The following TNFRSF1A variants were observed in gnomAD, a reference collection of about 807,000 sequenced individuals.
The protein encoded by TNFRSF1A is TNF receptor superfamily member 1A, also known as tumor necrosis factor receptor superfamily member 1A.
Under a neutral mutation model 41.6 loss-of-function variants are expected in TNFRSF1A, and 9 were observed. That is an observed-to-expected ratio of 0.22 (90% CI 0.13 to 0.38). The LOEUF (loss-of-function observed/expected upper bound fraction) is 0.38, where lower values mean the gene tolerates loss of function less well. TNFRSF1A is among the 10% of genes least tolerant of loss of function. The pLI is 1.00. For missense variants in TNFRSF1A, 463 were observed against 591.5 expected (o/e 0.78, Z 2.25); for synonymous variants, 254 against 248.6 (o/e 1.02, Z -0.21).
At chr12:6,339,816 TTCTC>T (rs71450139) in intron 1 of TNFRSF1A, among the ~76,000 whole-genome samples, 2,414 of 139,210 alleles carry the variant, frequency 0.017, 30 homozygotes, top group African/African-American at 0.035. Context: ...CCTACCCCAC[TTCTC>T]TCTCTCTCTC....
Position 6,338,048 on chromosome 12 carries a change from T to G in TNFRSF1A, c.39+3728A>C, listed in dbSNP as rs999425210. ...CACACACCCTTACTTAAGAGTCTGG[T>G]GTGCTCCTCTCCTTTTGAGAACCAC... On this transcript the variant is annotated intron_variant, in intron 1 of 9. Transcript: ENST00000162749. 2.0e-5 allele frequency among the ~76,000 whole-genome samples: 3 copies of G among 152,172 alleles called. No individual in the cohort carries two copies. The East Asian group carries it at 5.8e-4, about 29-fold the overall frequency.
At position 6,329,284 on chromosome 12, in the gene TNFRSF1A, C is replaced by G; in HGVS notation, c.*28G>C. ...TTGGAAGGCGATCTCGCAGGACGGT[C>G]CTTAGAGCTGCCCGCAGGGGCGCAG... On this transcript the variant is annotated 3_prime_UTR_variant, in exon 10 of 10. Transcript: ENST00000162749. The G allele has an allele frequency of 6.9e-7, 1 of 1,453,636 alleles. No homozygotes were observed. Among genetic ancestry groups the G allele is most frequent in the Non-Finnish European group, 9.0e-7 (1 of 1,111,380 alleles). 90.0% of individuals were successfully genotyped at this position (1,453,636 alleles called of 1,614,324 possible).
rs1241857285 is a variant in TNFRSF1A, at chr12:6,341,670, G to C, written c.39+106C>G. 1 of 1,360,364 alleles carries C rather than the reference G, an allele frequency of 7.4e-7. No homozygotes were observed. Among genetic ancestry groups the C allele is most frequent in the Non-Finnish European group, 1.0e-6 (1 of 966,404 alleles). The allele number at this position is 1,360,364 out of a possible 1,614,324, so 84.3% of individuals were successfully genotyped here. On this transcript the variant is annotated intron_variant, in intron 1 of 9. Coordinates refer to ENST00000162749, the MANE Select transcript of TNFRSF1A (RefSeq NM_001065.4). This position sits in a 1 kb window ranked among gnomAD's most constrained non-coding sequence, Gnocchi z 4.6. ...CCTGCAGGCCTGAGGCTGGCGCCAGGACCAGGCCCGGGCAGGAGAGGCTCG... is the reference window on the plus strand; with the variant it reads ...CCTGCAGGCCTGAGGCTGGCGCCAGCACCAGGCCCGGGCAGGAGAGGCTCG...
At position 6,333,995 on chromosome 12, in the gene TNFRSF1A, G is replaced by A; in HGVS notation, c.193+96C>T. ...AGGGAGGGAGAAAATCCCAGCCCAG[G>A]AGAGACAGCAAAGTTAGGGAAGAAC... is the stretch of plus-strand genomic sequence containing the variant. On this transcript the variant is annotated intron_variant, in intron 2 of 9. Coordinates refer to ENST00000162749, the MANE Select transcript of TNFRSF1A (RefSeq NM_001065.4). The surrounding 1 kb of genome is among the most constrained non-coding windows in gnomAD (Gnocchi z 6.3). 6.2e-7 allele frequency: 1 copy of A among 1,611,314 alleles called. No individual in the cohort carries two copies. Among genetic ancestry groups the A allele is most frequent in the Non-Finnish European group, 8.5e-7 (1 of 1,177,626 alleles).
chr12:6,329,691 G>A, intron 9 of TNFRSF1A, 69 bp from the exon 10 acceptor site: 7 of 1,529,736 alleles, frequency 4.6e-6, no homozygotes, highest in Non-Finnish European at 6.1e-6. Flanking sequence ...CGCGCCCTCC[G>A]CCTCTCGTGG....
intron 5 of TNFRSF1A, 88 bp downstream of exon 5, chr12:6,332,981 C>T (rs1226382944): frequency 8.2e-7 from 1 of 1,217,526 alleles, no homozygotes; most frequent in Non-Finnish European, 1.2e-6. Context: ...GGCATCCTGG[C>T]ATCTGTTGCC....
In TNFRSF1A at chr12:6,341,962, C is replaced by A; in HGVS notation, c.-148G>T. The A allele has an allele frequency of 3.8e-6, 3 of 782,810 alleles. No individual in the cohort carries two copies. The highest frequency in any genetic ancestry group is 6.6e-6 in the Non-Finnish European group (3 of 453,120). The allele number at this position is 782,810 out of a possible 1,614,324, so 48.5% of individuals were successfully genotyped here. Reference sequence around the variant, plus strand: ...AGGGTTGAGACTCGGGCATAGAGATCACGGCCTGGTCCCAGTGATCTTGAA... The same window carrying A: ...AGGGTTGAGACTCGGGCATAGAGATAACGGCCTGGTCCCAGTGATCTTGAA... On this transcript the variant is annotated 5_prime_UTR_variant, in exon 1 of 10. Coordinates refer to ENST00000162749, the MANE Select transcript of TNFRSF1A (RefSeq NM_001065.4). The surrounding 1 kb of genome is among the most constrained non-coding windows in gnomAD (Gnocchi z 4.6).
At position 6,333,966 on chromosome 12, in the gene TNFRSF1A, G is replaced by A. The variant is rs1948086341; in HGVS notation, c.194-101C>T. The A allele has an allele frequency of 3.1e-6, 5 of 1,609,720 alleles. No individual in the cohort carries two copies. Among genetic ancestry groups the A allele is most frequent in the Non-Finnish European group, 4.2e-6 (5 of 1,177,232 alleles). ...GGCCGATTCCCTGAAGTCTCTAGGA[G>A]AGGAGGGAGGGAGAAAATCCCAGCC... On this transcript the variant is annotated intron_variant, in intron 2 of 9. Coordinates refer to ENST00000162749, the MANE Select transcript of TNFRSF1A (RefSeq NM_001065.4). The surrounding 1 kb of genome is among the most constrained non-coding windows in gnomAD (Gnocchi z 6.3).
chr12:6,333,834 C>T lies in TNFRSF1A; in HGVS notation c.225G>A (p.Pro75=), dbSNP rs771721939. 6.9e-6 allele frequency: 11 copies of T among 1,599,012 alleles called. No individual in the cohort carries two copies. The highest frequency in any genetic ancestry group is 4.5e-5 in the East Asian group (2 of 44,266). ...GTYLYNDCPG[P]GQDTDCRECE... is the part of the protein sequence containing the mutation. Reference sequence around the variant, plus strand: ...ACTCCCTGCAGTCCGTATCCTGCCCCGGGCCTGGACAGTCATTGTACAAGT... The same window carrying T: ...ACTCCCTGCAGTCCGTATCCTGCCCTGGGCCTGGACAGTCATTGTACAAGT... Residue 75 remains proline, a synonymous_variant, in exon 3 of 10, where the codon CCG becomes CCA. Coordinates refer to ENST00000162749, the MANE Select transcript of TNFRSF1A (RefSeq NM_001065.4). The surrounding 1 kb of genome is among the most constrained non-coding windows in gnomAD (Gnocchi z 6.3).
In TNFRSF1A at chr12:6,329,361, G is replaced by A; in HGVS notation, c.1319C>T (p.Ala440Val). 3 of 1,493,160 alleles carry A rather than the reference G, an allele frequency of 2.0e-6. No individual in the cohort carries two copies. The highest frequency in any genetic ancestry group is 1.4e-5 in the African/African-American group (1 of 69,104). 92.5% of individuals were successfully genotyped at this position (1,493,160 alleles called of 1,614,324 possible). The change falls in exon 10 of 10, where the codon GCG becomes GTG. Residue 440 changes from alanine (A) to valine (V), a missense_variant. Around this residue, in one of 4 missense-constraint regions of TNFRSF1A, gnomAD observed 277 missense variants for 288.8 expected, o/e 0.96. Transcript: ENST00000162749. ...CGGGAGGGCGGCGGGGCCGCAAAGC[G>A]CCTCCTCGATGTCCTCCAGGCAGCC... ...LLGCLEDIEE[A>V]LCGPAALPPA...
intron 1 of TNFRSF1A, among the ~76,000 whole-genome samples, chr12:6,336,402 C>T (rs1046939631): frequency 4.6e-5 from 7 of 152,120 alleles, no homozygotes; most frequent in African/African-American, 1.7e-4. Flanking sequence ...AGCAGCTTCC[C>T]CAGCTCCTCA....
Position 6,333,336 on chromosome 12 carries a change from G to A in TNFRSF1A, c.472+31C>T. 1 of 1,609,706 alleles carries A rather than the reference G, an allele frequency of 6.2e-7. No individual in the cohort carries two copies. The highest frequency in any genetic ancestry group is 8.5e-7 in the Non-Finnish European group (1 of 1,178,036). On this transcript the variant is annotated intron_variant, in intron 4 of 9. Transcript: ENST00000162749. The surrounding 1 kb of genome is among the most constrained non-coding windows in gnomAD (Gnocchi z 6.3). The stretch of plus-strand genomic sequence containing the variant: ...AAGGGGCCAACCCCTGGGGTGGGGA[G>A]AGGGCTTGGCCTCAGGAGAGCTGCG...
intron 1 of TNFRSF1A, among the ~76,000 whole-genome samples, chr12:6,338,297 A>T (rs1340766895): frequency 6.6e-6 from 1 of 152,026 alleles, no homozygotes; most frequent in Non-Finnish European, 1.5e-5. Flanking sequence ...CCCCATCCCT[A>T]TCCCTGCCGC....
intron 1 of TNFRSF1A, among the ~76,000 whole-genome samples, chr12:6,336,500 C>G (rs539520961): frequency 6.6e-6 from 1 of 152,220 alleles, no homozygotes; most frequent in African/African-American, 2.4e-5. Flanking sequence ...GGCCAAGTCC[C>G]TCCTTCCCAT....
Position 6,329,484 on chromosome 12 carries a change from G to C in TNFRSF1A, c.1196C>G (p.Ala399Gly). The change falls in exon 10 of 10, where the codon GCG becomes GGG. Residue 399 changes from alanine (A) to glycine (G), a missense_variant. Around this residue, in one of 4 missense-constraint regions of TNFRSF1A, gnomAD observed 277 missense variants for 288.8 expected, o/e 0.96. Coordinates refer to ENST00000162749, the MANE Select transcript of TNFRSF1A (RefSeq NM_001065.4). ...ELQNGRCLRE[A>G]QYSMLATWRR... ...CCAGGTCGCCAGCATGCTGTATTGC[G>C]CCTCGCGCAGGCAGCGCCCGTTCTG... is the stretch of plus-strand genomic sequence containing the variant. 1 of 1,594,790 alleles carries C rather than the reference G, an allele frequency of 6.3e-7. No homozygotes were observed. The highest frequency in any genetic ancestry group is 8.5e-7 in the Non-Finnish European group (1 of 1,177,906).
At position 6,341,711 on chromosome 12, in the gene TNFRSF1A, G is replaced by A. The variant is rs780764409; in HGVS notation, c.39+65C>T. ...GAGAGGCTCGGCCCCCTCCCGGAGA[G>A]GGCCCACGCCAGCCGGAAGGTGCCT... On this transcript the variant is annotated intron_variant, in intron 1 of 9. Transcript: ENST00000162749. The surrounding 1 kb of genome is among the most constrained non-coding windows in gnomAD (Gnocchi z 4.6). 6.3e-7 allele frequency: 1 copy of A among 1,594,752 alleles called. No homozygotes were observed. The highest frequency in any genetic ancestry group is 2.2e-5 in the East Asian group (1 of 44,530).
intron 5 of TNFRSF1A, among the ~76,000 whole-genome samples, chr12:6,332,219 C>T (rs776557278): frequency 1.2e-4 from 18 of 151,496 alleles, no homozygotes; most frequent in South Asian, 2.1e-4. Context: ...GGCGGAAGAT[C>T]GCTTGAGCCC....
At position 6,335,767 on chromosome 12, in the gene TNFRSF1A, C is replaced by T. The variant is rs1439712824; in HGVS notation, c.40-1523G>A. ...CAGCCACCCAGCCTCACCAACTCCACATTTCGGAGCAGGAGGCCAGTCACC... is the reference window on the plus strand; with the variant it reads ...CAGCCACCCAGCCTCACCAACTCCATATTTCGGAGCAGGAGGCCAGTCACC... On this transcript the variant is annotated intron_variant, in intron 1 of 9. Coordinates refer to ENST00000162749, the MANE Select transcript of TNFRSF1A (RefSeq NM_001065.4). Among the ~76,000 whole-genome samples the T allele has an allele frequency of 3.3e-5, 5 of 152,200 alleles. 1 individual carries two copies. The highest frequency in any genetic ancestry group is 7.3e-5 in the Non-Finnish European group (5 of 68,042).
At chr12:6,338,579 CTTTTTTT>C (rs11344522) in intron 1 of TNFRSF1A, among the ~76,000 whole-genome samples, 1 of 136,676 alleles carries the variant, frequency 7.3e-6, no homozygotes, top group Non-Finnish European at 1.6e-5. Flanking sequence ...TGCCTCACTA[CTTTTTTT>C]TTTTTTTTTT....
Sources: gnomAD v4.1 joint callset for allele counts (sites outside exome capture counted in the v4.1 genomes callset) on GRCh38, gnomAD v4.1.1 for gene constraint, gnomAD v4.1.1 regional missense constraint, Gnocchi (gnomAD v3.1) non-coding constraint, MANE v1.5 for transcripts, NCBI Gene and HGNC (gene_info 2026-07-23, HGNC 2026-07-21) for gene names.